The following RAVER2 variants were observed in gnomAD, a reference collection of about 807,000 sequenced individuals.
RAVER2 encodes ribonucleoprotein, PTB binding 2, also known as ribonucleoprotein PTB-binding 2.
A neutral mutation model predicts 78.1 loss-of-function variants in RAVER2; 46 were observed. The ratio of observed to expected loss-of-function variants is 0.59; its 90% CI spans 0.46 to 0.75. The LOEUF is 0.75. Among genes scored for constraint, RAVER2 ranks in the 30% least tolerant of loss-of-function variants. The pLI, the probability that RAVER2 is intolerant of heterozygous loss-of-function variation, is 0.00. For missense variants in RAVER2, 793 were observed against 837.5 expected, an observed-to-expected ratio of 0.95 and a Z score of 0.66; for synonymous variants, 311 against 313.3, an observed-to-expected ratio of 0.99 and a Z score of 0.08.
At chr1:64,759,715 A>G (rs1320275973) in intron 1 of RAVER2, among the ~76,000 whole-genome samples, 3 of 151,592 alleles carry the variant, frequency 2.0e-5, no homozygotes, top group African/African-American at 7.3e-5. Flanking sequence ...ACTGGGTTTC[A>G]CTGTGTTAGC....
At position 64,777,661 on chromosome 1, in the gene RAVER2, G is replaced by A. The variant is rs373988652; in HGVS notation, c.355G>A (p.Ala119Thr). 54 of 1,613,448 alleles carry A rather than the reference G, an allele frequency of 3.3e-5. No individual in the cohort carries two copies. The highest frequency in any genetic ancestry group is 6.7e-5 in the Admixed American group (4 of 59,930). The stretch of plus-strand genomic sequence containing the variant: ...ATTGAATGGGGAACAAGCCCAGAAC[G>A]CAATTCAGATGTTTCATCAATATTC... Residue 119 changes from alanine to threonine, a missense_variant, in exon 3 of 12, where the codon GCA becomes ACA. Coordinates refer to ENST00000294428, the Ensembl canonical transcript of RAVER2.
At chr1:64,768,584 A>G (rs1287721653) in intron 1 of RAVER2, 72 bp from the exon 2 acceptor site, 2 of 887,852 alleles carry the variant, frequency 2.3e-6, no homozygotes, top group Admixed American at 4.2e-5. Context: ...TGGTGGTGGT[A>G]GGCTAATAGA....
intron 7 of RAVER2, 24 bp downstream of exon 7, chr1:64,804,862 T>A: frequency 6.5e-7 from 1 of 1,527,302 alleles, no homozygotes; most frequent in Non-Finnish European, 9.0e-7. Context: ...CATTTTTTCT[T>A]TTAAAATCAG....
chr1:64,824,175 T>C (rs998972581), intron 11 of RAVER2, among the ~76,000 whole-genome samples: 3 of 152,226 alleles, frequency 2.0e-5, no homozygotes, highest in Non-Finnish European at 4.4e-5. Flanking sequence ...AGCAGTGTTA[T>C]CTACTTGCAC....
At chr1:64,754,388 A>C (rs781193336) in intron 1 of RAVER2, among the ~76,000 whole-genome samples, 5 of 152,196 alleles carry the variant, frequency 3.3e-5, no homozygotes, top group Non-Finnish European at 7.3e-5. Context: ...GTAACCTAGA[A>C]ACTGACACAT....
chr1:64,799,660 C>G (rs771526511), intron 5 of RAVER2, among the ~76,000 whole-genome samples: 1 of 152,074 alleles, frequency 6.6e-6, no homozygotes, highest in Admixed American at 6.5e-5. Flanking sequence ...AGGCTGATCT[C>G]GAGCTCCTGA....
chr1:64,812,620 A>G (rs1653645126), intron 9 of RAVER2, 118 bp from the exon 10 acceptor site: 2 of 581,220 alleles, frequency 3.4e-6, no homozygotes, highest in South Asian at 5.9e-5. Context: ...TTTAGTGAAC[A>G]TCCATAAATA....
Position 64,819,937 on chromosome 1 carries a change from A to G in RAVER2, c.1929+5097A>G, listed in dbSNP as rs78077097. ...TTGAGAACCACTGTGTTAAGGCAAC[A>G]GTAAACATGCAGGTGACTAAAAAAG... On this transcript the variant is annotated intron_variant, in intron 11 of 11. Transcript: ENST00000294428. Among the ~76,000 whole-genome samples, 668 of 152,342 alleles carry G rather than the reference A, an allele frequency of 4.4e-3. 9 individuals are homozygous for G. The highest frequency in any genetic ancestry group is 0.015 in the African/African-American group (640 of 41,580).
At chr1:64,754,146 G>A (rs1326651553) in intron 1 of RAVER2, among the ~76,000 whole-genome samples, 1 of 152,016 alleles carries the variant, frequency 6.6e-6, no homozygotes, top group Admixed American at 6.6e-5. Context: ...CTATAAGATT[G>A]GAATTTCTTA....
intron 11 of RAVER2, among the ~76,000 whole-genome samples, chr1:64,819,423 C>A (rs192897949): frequency 9.9e-5 from 15 of 151,974 alleles, no homozygotes; most frequent in African/African-American, 3.6e-4. Context: ...GAAGACAACT[C>A]AATCTGAGGA....
chr1:64,763,541 CAT>C (rs766164037), intron 1 of RAVER2, among the ~76,000 whole-genome samples: 95 of 152,248 alleles, frequency 6.2e-4, no homozygotes, highest in Admixed American at 3.8e-3. Flanking sequence ...AATTGGCACT[CAT>C]ATTCTGCCAA....
intron 4 of RAVER2, among the ~76,000 whole-genome samples, chr1:64,783,502 A>T (rs1228072430): frequency 6.6e-6 from 1 of 152,114 alleles, no homozygotes; most frequent in Non-Finnish European, 1.5e-5. Flanking sequence ...GCATTTTTTC[A>T]TGTGTCTGTT....
chr1:64,781,433 C>T, exon 4 of RAVER2: 1 of 1,613,468 alleles, frequency 6.2e-7, no homozygotes, highest in Non-Finnish European at 8.5e-7. Flanking sequence ...TTGAATATAG[C>T]ACTGCGGAGC....
At chr1:64,770,050 A>G (rs1406931850) in intron 2 of RAVER2, among the ~76,000 whole-genome samples, 3 of 152,032 alleles carry the variant, frequency 2.0e-5, no homozygotes, top group African/African-American at 7.2e-5. Context: ...TATCATGTGA[A>G]TTTATTACGA....
intron 4 of RAVER2, among the ~76,000 whole-genome samples, chr1:64,789,079 GTTA>G (rs1652864438): frequency 6.6e-6 from 1 of 152,058 alleles, no homozygotes; most frequent in South Asian, 2.1e-4. Context: ...GTGTCAACAA[GTTA>G]TTAATAACTT....
intron 4 of RAVER2, 26 bp from the exon 5 acceptor site, chr1:64,789,362 G>A (rs746301400): frequency 1.3e-6 from 2 of 1,561,108 alleles, no homozygotes; most frequent in Admixed American, 3.7e-5. Flanking sequence ...CTGTTCTAAT[G>A]TTTCTTATTT....
At chr1:64,749,752 T>G (rs1651646406) in intron 1 of RAVER2, among the ~76,000 whole-genome samples, 1 of 152,248 alleles carries the variant, frequency 6.6e-6, no homozygotes, top group African/African-American at 2.4e-5. Flanking sequence ...CTTTTGCAAC[T>G]GAATTTAGAA....
intron 8 of RAVER2, among the ~76,000 whole-genome samples, chr1:64,806,157 A>G (rs1653412821): frequency 6.6e-6 from 1 of 152,240 alleles, no homozygotes; most frequent in African/African-American, 2.4e-5. Context: ...ATTTTGACCT[A>G]TAGATTTTTT....
intron 9 of RAVER2, among the ~76,000 whole-genome samples, chr1:64,807,967 G>A (rs1653490905): frequency 6.6e-6 from 1 of 152,052 alleles, no homozygotes; most frequent in Non-Finnish European, 1.5e-5. Flanking sequence ...TTATTTGTAA[G>A]GCTTTCTAAG....
Sources: gnomAD v4.1 joint callset for allele counts (sites outside exome capture counted in the v4.1 genomes callset) on GRCh38, gnomAD v4.1.1 for gene constraint, MANE v1.5 for transcripts, NCBI Gene and HGNC (gene_info 2026-07-23, HGNC 2026-07-21) for gene names.